The following PTPRT variants were observed in gnomAD, a reference collection of about 807,000 sequenced individuals.
PTPRT encodes the protein protein tyrosine phosphatase receptor type T, also known as receptor-type tyrosine-protein phosphatase T.
Under a neutral mutation model 176.8 loss-of-function variants are expected in PTPRT, and 56 were observed. The observed-to-expected ratio is 0.32, with a 90% CI of 0.26 to 0.40. PTPRT has a LOEUF of 0.40. Among genes scored for constraint, PTPRT ranks in the 10% least tolerant of loss-of-function variants. The pLI, the probability that PTPRT is intolerant of heterozygous loss-of-function variation, is 1.00. For synonymous variants in PTPRT, 783 were observed against 739.0 expected (o/e 1.06, Z -0.96); for missense variants, 1,540 against 1,908.2 (o/e 0.81, Z 3.60).
At chr20:42,177,867 T>C (rs1348407046) in intron 16 of PTPRT, among the ~76,000 whole-genome samples, 1 of 149,974 alleles carries the variant, frequency 6.7e-6, no homozygotes, top group Non-Finnish European at 1.5e-5. Context: ...CCCCTCCCCT[T>C]CCCTTCCTCT....
intron 9 of PTPRT, among the ~76,000 whole-genome samples, chr20:42,392,091 C>G (rs551004748): frequency 6.6e-6 from 1 of 152,324 alleles, no homozygotes; most frequent in Non-Finnish European, 1.5e-5. Context: ...CTGATGCCAA[C>G]TCCCTACCTC....
At chr20:43,169,288 C>T (rs934108289) in intron 1 of PTPRT, among the ~76,000 whole-genome samples, 9 of 152,176 alleles carry the variant, frequency 5.9e-5, no homozygotes, top group African/African-American at 1.7e-4. Context: ...ATAAAATAAT[C>T]GGTTATCGTA....
At chr20:43,128,942 A>C (rs2013549443) in intron 1 of PTPRT, among the ~76,000 whole-genome samples, 1 of 152,212 alleles carries the variant, frequency 6.6e-6, no homozygotes, top group African/African-American at 2.4e-5. Context: ...CGTACATATA[A>C]AGTTATACAC....
At chr20:42,281,136 C>T (rs957613299) in intron 13 of PTPRT, among the ~76,000 whole-genome samples, 3 of 152,170 alleles carry the variant, frequency 2.0e-5, no homozygotes, top group Admixed American at 1.3e-4. Context: ...CTAGTGCTAC[C>T]CAATTGATGG....
At chr20:42,680,866 T>C (rs962626919) in intron 6 of PTPRT, among the ~76,000 whole-genome samples, 7 of 152,220 alleles carry the variant, frequency 4.6e-5, no homozygotes, top group African/African-American at 1.7e-4. Flanking sequence ...TATATAAATG[T>C]CCCTATCTCA....
intron 14 of PTPRT, among the ~76,000 whole-genome samples, chr20:42,241,066 T>C (rs921222467): frequency 6.6e-6 from 1 of 152,206 alleles, no homozygotes; most frequent in Non-Finnish European, 1.5e-5. Flanking sequence ...AGGAACTTTC[T>C]CACATTTATA....
intron 7 of PTPRT, among the ~76,000 whole-genome samples, chr20:42,486,636 C>A (rs193115967): frequency 7.2e-5 from 11 of 152,274 alleles, no homozygotes; most frequent in Admixed American, 7.2e-4. Context: ...CACGGGTTTA[C>A]AGCAACAGAC....
chr20:42,868,585 T>C (rs2078790719), intron 2 of PTPRT, among the ~76,000 whole-genome samples: 1 of 152,148 alleles, frequency 6.6e-6, no homozygotes, highest in South Asian at 2.1e-4. Context: ...ATTTTGAAAA[T>C]TCCCAGCCTG....
intron 1 of PTPRT, among the ~76,000 whole-genome samples, chr20:42,991,622 G>T (rs1339539369): frequency 6.6e-6 from 1 of 151,994 alleles, no homozygotes; most frequent in Non-Finnish European, 1.5e-5. Flanking sequence ...TGATGAAAAA[G>T]TTCTAGAAAT....
intron 7 of PTPRT, among the ~76,000 whole-genome samples, chr20:42,597,549 C>G (rs1214538996): frequency 6.6e-6 from 1 of 152,174 alleles, no homozygotes; most frequent in Non-Finnish European, 1.5e-5. Flanking sequence ...TGAGTTCTCA[C>G]AAGACCTGAT....
rs1443209979 is a variant in PTPRT at position 42,694,745 on chromosome 20, T to C, written c.860-16586A>G. Among the ~76,000 whole-genome samples the C allele has an allele frequency of 2.0e-5, 3 of 152,266 alleles. No individual in the cohort carries two copies. In the East Asian group the frequency reaches 5.8e-4, roughly 29 times the overall value. On this transcript the variant is annotated intron_variant, in intron 6 of 30. Transcript: ENST00000373187. ...AGTATGTAGTGATGTTTCACTGTGG[T>C]TTTAATTTATACTACCTTAATGGCT...
intron 19 of PTPRT, among the ~76,000 whole-genome samples, chr20:42,124,586 A>G (rs1002356154): frequency 3.3e-5 from 5 of 152,354 alleles, no homozygotes; most frequent in African/African-American, 9.6e-5. Context: ...TCAAGATCCA[A>G]TTGTAGAGAA....
intron 7 of PTPRT, among the ~76,000 whole-genome samples, chr20:42,652,071 CA>C (rs1161229544): frequency 7.1e-6 from 1 of 140,798 alleles, no homozygotes; most frequent in African/African-American, 2.7e-5. Context: ...CAAAAACAAA[CA>C]AAAAAAACAA....
At chr20:42,517,976 T>C (rs992763727) in intron 7 of PTPRT, among the ~76,000 whole-genome samples, 3 of 152,110 alleles carry the variant, frequency 2.0e-5, no homozygotes, top group East Asian at 3.9e-4. Context: ...GTCATCCTGA[T>C]AGTATATATT....
intron 11 of PTPRT, among the ~76,000 whole-genome samples, chr20:42,347,864 G>C (rs909654417): frequency 9.2e-5 from 14 of 152,176 alleles, no homozygotes; most frequent in African/African-American, 3.4e-4. Context: ...AACAGACCAA[G>C]TTCTGTTCAG....
At position 42,472,372 on chromosome 20, in the gene PTPRT, G is replaced by A. The variant is rs758760903; in HGVS notation, c.1344C>T (p.Thr448=). ...TCATGAAGGGGCGCAGGCCTCGCAG[G>A]GTGTAGTGGGAGGAGGTCTGGATGA... ...EEVIQTSSHY[T]LRGLRPFMTI... is the part of the protein sequence containing the mutation. The change falls in exon 8 of 31, where the codon ACC becomes ACT. Residue 448 remains threonine, a synonymous_variant. Transcript: ENST00000373187. 5.9e-5 allele frequency: 95 copies of A among 1,614,094 alleles called. No homozygotes were observed. The highest frequency in any genetic ancestry group is 7.8e-5 in the Non-Finnish European group (92 of 1,180,054).
chr20:42,150,072 CTGA>C (rs1379050000), intron 17 of PTPRT, among the ~76,000 whole-genome samples: 1 of 152,190 alleles, frequency 6.6e-6, no homozygotes, highest in Non-Finnish European at 1.5e-5. Flanking sequence ...GCCTGTGTGG[CTGA>C]TTTTTTCTTC....
intron 7 of PTPRT, chr20:42,607,591 A>C (rs1030369255): frequency 6.6e-6 from 1 of 152,564 alleles, no homozygotes; most frequent in Non-Finnish European, 1.5e-5. Context: ...ATCAGTGAAA[A>C]TTCTTAAACT....
At chr20:42,773,420 C>T (rs941504291) in intron 4 of PTPRT, among the ~76,000 whole-genome samples, 2 of 152,044 alleles carry the variant, frequency 1.3e-5, no homozygotes, top group African/African-American at 4.8e-5. Flanking sequence ...CTCACTGAAA[C>T]CCCCAAAAAA....
Sources: allele counts gnomAD v4.1 joint callset (sites outside exome capture counted in the v4.1 genomes callset), GRCh38; gene constraint gnomAD v4.1.1; transcripts MANE v1.5; gene names NCBI Gene and HGNC (gene_info 2026-07-23, HGNC 2026-07-21).